Variants in TSPAN9 observed in about 807,000 individuals in gnomAD.
The protein encoded by TSPAN9 is tetraspanin 9, also known as tetraspanin-9.
In TSPAN9, 16 loss-of-function variants were observed where a neutral mutation model predicts 31.0. The ratio of observed to expected loss-of-function variants is 0.52; its 90% CI spans 0.35 to 0.78. The LOEUF is 0.78. Among genes scored for constraint, TSPAN9 ranks in the 30% least tolerant of loss-of-function variants. The pLI, the probability that TSPAN9 is intolerant of heterozygous loss-of-function variation, is 0.01. For synonymous variants in TSPAN9, 145 were observed against 121.6 expected (o/e 1.19, Z -1.27); for missense variants, 272 against 312.5 (o/e 0.87, Z 0.98).
At chr12:3,087,192 C>T (rs1054154586) in intron 2 of TSPAN9, among the ~76,000 whole-genome samples, 3 of 152,156 alleles carry the variant, frequency 2.0e-5, no homozygotes, top group African/African-American at 7.2e-5. Flanking sequence ...ATTGTTTTGG[C>T]ACTCAGTGGA....
chr12:3,116,682 A>G (rs2098322618), intron 2 of TSPAN9, among the ~76,000 whole-genome samples: 1 of 152,138 alleles, frequency 6.6e-6, no homozygotes, highest in African/African-American at 2.4e-5. Context: ...GCTGCTGCAC[A>G]GCTCAGGTTT....
At chr12:3,090,909 C>T (rs1444772281) in intron 2 of TSPAN9, among the ~76,000 whole-genome samples, 3 of 152,238 alleles carry the variant, frequency 2.0e-5, no homozygotes, top group Non-Finnish European at 2.9e-5. Flanking sequence ...GGCAAACACT[C>T]GATCTTCATG....
intron 3 of TSPAN9, among the ~76,000 whole-genome samples, chr12:3,233,303 A>T (rs2098391764): frequency 6.6e-6 from 1 of 152,248 alleles, no homozygotes; most frequent in African/African-American, 2.4e-5. Context: ...TGTAAGTTAC[A>T]AAGTTGTAAG....
intron 3 of TSPAN9, among the ~76,000 whole-genome samples, chr12:3,222,298 G>A (rs2098385011): frequency 6.6e-6 from 1 of 152,236 alleles, no homozygotes; most frequent in South Asian, 2.1e-4. Flanking sequence ...CACAGATGAG[G>A]CCTGGTTGGT....
At position 3,281,316 on chromosome 12, in the gene TSPAN9, C is replaced by T; in HGVS notation, c.551C>T (p.Pro184Leu). Residue 184 changes from proline (P) to leucine (L), a missense_variant, in exon 7 of 9, where the codon CCT (proline) becomes CTT (leucine). By Grantham distance (98) the Pro-to-Leu change is moderately conservative (BLOSUM62 -3). Coordinates refer to ENST00000011898, the MANE Select transcript of TSPAN9 (RefSeq NM_006675.5). ...SQGCGRNATTPLWRTGCYEKV... is the reference protein window; with the variant it reads ...SQGCGRNATTLLWRTGCYEKV... ...GGCTGCGGGCGCAACGCCACCACGC[C>T]TTTGTGGAGAACGGTGAGGCTGGGG... 6.5e-7 allele frequency: 1 copy of T among 1,550,352 alleles called. No individual in the cohort carries two copies. Among genetic ancestry groups the T allele is most frequent in the Non-Finnish European group, 8.7e-7 (1 of 1,146,576 alleles).
chr12:3,114,539 C>T (rs57289669), intron 2 of TSPAN9, among the ~76,000 whole-genome samples: 12,837 of 152,102 alleles, frequency 0.084, 1,747 homozygotes, highest in African/African-American at 0.29. Context: ...ACACCATAAT[C>T]GCTCTCCTTC....
chr12:3,264,530 C>T (rs760453871), intron 3 of TSPAN9, among the ~76,000 whole-genome samples: 7 of 152,222 alleles, frequency 4.6e-5, no homozygotes, highest in Admixed American at 6.5e-5. Flanking sequence ...TAGAGCCCAT[C>T]TGGGCAGACG....
intron 3 of TSPAN9, among the ~76,000 whole-genome samples, chr12:3,269,147 G>GC (rs1183125703): frequency 0.015 from 1,484 of 101,774 alleles, 324 homozygotes; most frequent in Non-Finnish European, 0.023. Context: ...CGTTCCTGCA[G>GC]CTTGCCCTCT....
intron 3 of TSPAN9, among the ~76,000 whole-genome samples, chr12:3,245,088 C>T (rs1470898288): frequency 1.3e-5 from 2 of 152,206 alleles, no homozygotes; most frequent in African/African-American, 4.8e-5. Flanking sequence ...CACCACGTCC[C>T]CAGGTACAGC....
intron 3 of TSPAN9, among the ~76,000 whole-genome samples, chr12:3,247,149 A>G (rs1000904050): frequency 6.6e-6 from 1 of 152,100 alleles, no homozygotes; most frequent in Non-Finnish European, 1.5e-5. Flanking sequence ...GTGTCTTGGG[A>G]ATGACTGTGA....
intron 3 of TSPAN9, among the ~76,000 whole-genome samples, chr12:3,222,159 A>C (rs1028143087): frequency 5.9e-5 from 9 of 152,028 alleles, no homozygotes; most frequent in Non-Finnish European, 1.2e-4. Flanking sequence ...TTGAACTTTT[A>C]CTATGCTCAA....
At chr12:3,149,142 C>G (rs1307631177) in intron 2 of TSPAN9, among the ~76,000 whole-genome samples, 2 of 152,312 alleles carry the variant, frequency 1.3e-5, no homozygotes, top group Admixed American at 6.5e-5. Flanking sequence ...TCTTTTGGCA[C>G]TTCTTAGCTT....
chr12:3,277,976 C>T (rs1011194306), intron 3 of TSPAN9, among the ~76,000 whole-genome samples: 4 of 152,226 alleles, frequency 2.6e-5, no homozygotes, highest in African/African-American at 4.8e-5. Context: ...AGGGTCCCTT[C>T]CCACCTCCAG....
intron 2 of TSPAN9, among the ~76,000 whole-genome samples, chr12:3,095,077 C>A (rs1360247554): frequency 1.1e-5 from 1 of 89,550 alleles, no homozygotes; most frequent in Non-Finnish European, 2.1e-5. Flanking sequence ...TGACTCTTAA[C>A]GAGCATGCTG....
chr12:3,141,955 C>G (rs79967556), intron 2 of TSPAN9, among the ~76,000 whole-genome samples: 1 of 152,148 alleles, frequency 6.6e-6, no homozygotes, highest in Non-Finnish European at 1.5e-5. Context: ...GCCCGGAAGC[C>G]GACTTCCTCT....
intron 2 of TSPAN9, among the ~76,000 whole-genome samples, chr12:3,174,975 C>T (rs1275962316): frequency 6.6e-6 from 1 of 151,986 alleles, no homozygotes; most frequent in Non-Finnish European, 1.5e-5. Context: ...CCCTGCCCTG[C>T]CTGTCTTCTT....
intron 2 of TSPAN9, among the ~76,000 whole-genome samples, chr12:3,151,661 G>A (rs2153968627): frequency 6.6e-6 from 1 of 152,246 alleles, no homozygotes; most frequent in East Asian, 1.9e-4. Flanking sequence ...CATTTCCAGG[G>A]TCTTCTTCCT....
intron 2 of TSPAN9, among the ~76,000 whole-genome samples, chr12:3,183,915 G>A (rs1043021090): frequency 3.9e-5 from 6 of 152,098 alleles, no homozygotes; most frequent in African/African-American, 9.7e-5. Context: ...TGTGATGGTC[G>A]CGTATGTGAA....
At chr12:3,247,637 A>C (rs981037209) in intron 3 of TSPAN9, among the ~76,000 whole-genome samples, 1 of 152,120 alleles carries the variant, frequency 6.6e-6, no homozygotes, top group Non-Finnish European at 1.5e-5. Context: ...CTTCACGTCC[A>C]TTGTCATCTC....
Sources: gnomAD v4.1 joint callset for allele counts (sites outside exome capture counted in the v4.1 genomes callset) on GRCh38, gnomAD v4.1.1 for gene constraint, MANE v1.5 for transcripts, NCBI Gene and HGNC (gene_info 2026-07-23, HGNC 2026-07-21) for gene names.